The following PPP1R21 variants were observed in gnomAD, a reference collection of about 807,000 sequenced individuals.
PPP1R21 encodes the protein protein phosphatase 1 regulatory subunit 21.
PPP1R21 carries 85 observed loss-of-function variants against 112.8 expected under a neutral mutation model. The ratio of observed to expected loss-of-function variants is 0.75; its 90% CI spans 0.63 to 0.90. The LOEUF (loss-of-function observed/expected upper bound fraction) is 0.90, where lower values mean the gene tolerates loss of function less well. Among genes scored for constraint, PPP1R21 ranks in the 40% least tolerant of loss-of-function variants. The probability of loss-of-function intolerance (pLI) is 0.00; values close to 1 mark genes in which losing one functional copy is unlikely to be tolerated. For missense variants in PPP1R21, 1,199 were observed against 901.5 expected (o/e 1.33, Z -4.23); for synonymous variants, 381 against 322.3 (o/e 1.18, Z -1.95).
At chr2:48,456,445 C>T (rs973570174) in intron 3 of PPP1R21, among the ~76,000 whole-genome samples, 3 of 152,120 alleles carry the variant, frequency 2.0e-5, no homozygotes, top group African/African-American at 7.2e-5. Context: ...TAAGCCCAGG[C>T]TTGAATTCTT....
intron 21 of PPP1R21, among the ~76,000 whole-genome samples, chr2:48,513,275 G>A (rs1033559755): frequency 6.6e-6 from 1 of 151,776 alleles, no homozygotes; most frequent in African/African-American, 2.4e-5. Flanking sequence ...TGAGATCTTG[G>A]CTCACTGCAA....
intron 20 of PPP1R21, 125 bp from the exon 21 acceptor site, chr2:48,511,215 A>G (rs1350157987): frequency 3.2e-6 from 3 of 949,662 alleles, no homozygotes; most frequent in Non-Finnish European, 4.8e-6. Flanking sequence ...CTATTTTGAA[A>G]TATACAGTAA....
In PPP1R21 at chr2:48,510,014, G is replaced by C; in HGVS notation, c.2086-1G>C. The C allele has an allele frequency of 6.3e-7, 1 of 1,599,384 alleles. No individual in the cohort carries two copies. The highest frequency in any genetic ancestry group is 8.5e-7 in the Non-Finnish European group (1 of 1,172,336). ...TAATGGAATGTTTTCTGATTTTACA[G>C]TGCCGAGCACTGTCTAAAAGACTGG... On this transcript the variant is annotated splice_acceptor_variant, in intron 19 of 21. Coordinates refer to ENST00000294952, the MANE Select transcript of PPP1R21 (RefSeq NM_001135629.3). LOFTEE classifies it high-confidence loss of function.
chr2:48,507,671 G>C (rs1670445122), intron 19 of PPP1R21, among the ~76,000 whole-genome samples: 1 of 141,264 alleles, frequency 7.1e-6, no homozygotes, highest in African/African-American at 2.6e-5. Context: ...CTGGCCCGGA[G>C]TTCATATTGA....
intron 3 of PPP1R21, among the ~76,000 whole-genome samples, chr2:48,456,238 A>G (rs1387887906): frequency 1.3e-5 from 2 of 150,446 alleles, no homozygotes; most frequent in Admixed American, 6.7e-5. Flanking sequence ...CATTGTGATT[A>G]AGAGATTGCT....
At chr2:48,504,780 A>G (rs1361604854) in intron 17 of PPP1R21, among the ~76,000 whole-genome samples, 1 of 152,246 alleles carries the variant, frequency 6.6e-6, no homozygotes, top group East Asian at 1.9e-4. Context: ...ACCAGAATTC[A>G]GAAATCATGA....
At chr2:48,457,999 C>T (rs1400621752) in intron 3 of PPP1R21, 127 bp from the exon 4 acceptor site, 9 of 689,876 alleles carry the variant, frequency 1.3e-5, no homozygotes, top group Non-Finnish European at 2.2e-5. Context: ...ATAGCTTTTG[C>T]AGGATTGTTT....
chr2:48,480,044 A>G (rs781105047), intron 13 of PPP1R21, 28 bp downstream of exon 13: 27 of 1,466,682 alleles, frequency 1.8e-5, no homozygotes, highest in East Asian at 6.8e-5. Context: ...ACGTAAGCTT[A>G]AAACCTTTGC....
At chr2:48,469,488 C>CATAT (rs70943340) in intron 9 of PPP1R21, among the ~76,000 whole-genome samples, 19,111 of 44,018 alleles carry the variant, frequency 0.43, 5,027 homozygotes, top group South Asian at 0.52. Context: ...ATATATAGAG[C>CATAT]ATATATATAT....
intron 9 of PPP1R21, among the ~76,000 whole-genome samples, chr2:48,470,519 CA>C (rs34486239): frequency 0.011 from 834 of 79,320 alleles, 3 homozygotes; most frequent in Admixed American, 0.015. Context: ...AACTCTGTCT[CA>C]AAAAAAAAAA....
intron 9 of PPP1R21, among the ~76,000 whole-genome samples, chr2:48,468,931 A>T (rs531132424): frequency 1.3e-5 from 2 of 152,008 alleles, no homozygotes; most frequent in South Asian, 2.1e-4. Context: ...TGAAAGACGT[A>T]TCTGAGACTG....
At chr2:48,456,252 C>CTTTT (rs778594245) in intron 3 of PPP1R21, among the ~76,000 whole-genome samples, 11 of 130,378 alleles carry the variant, frequency 8.4e-5, no homozygotes, top group African/African-American at 3.1e-4. Flanking sequence ...GATTGCTGCT[C>CTTTT]TTTTTTTTTT....
rs1572840844 is a variant in PPP1R21 at position 48,459,625 on chromosome 2, T to C, written c.376-129T>C. The C allele has an allele frequency of 2.7e-5, 25 of 924,674 alleles. No individual in the cohort carries two copies. The East Asian group carries it at 6.7e-4, about 25-fold the overall frequency. The allele number at this position is 924,674 out of a possible 1,614,324, so 57.3% of individuals were successfully genotyped here. On this transcript the variant is annotated intron_variant, in intron 4 of 21. Coordinates refer to ENST00000294952, the MANE Select transcript of PPP1R21 (RefSeq NM_001135629.3). ...TGTGAGGATTTAATGAGATAATGCC[T>C]GTGTGGGTTTAACATAGTCAGCATA...
chr2:48,455,655 C>G (rs541257095), intron 3 of PPP1R21, among the ~76,000 whole-genome samples: 13 of 152,072 alleles, frequency 8.5e-5, no homozygotes, highest in Non-Finnish European at 1.5e-4. Context: ...TTTGGTTATA[C>G]CAGGTTGCCA....
In PPP1R21 at chr2:48,514,742, T is replaced by G. The variant is rs751298132; in HGVS notation, c.2341T>G (p.Ter781GluextTer2). The stretch of plus-strand genomic sequence containing the variant: ...GAATTCTAAAAAGAACAAGAGTCGA[T>G]AGTTTTGAAATAGCTGGTTGGCGAC... ...KGNSKKNKSR[*>E] Residue 781 changes from the stop codon to glutamate (E), a stop_lost, in exon 22 of 22, where the codon TAG (stop) becomes GAG (glutamate). Transcript: ENST00000294952. 1.4e-5 allele frequency: 23 copies of G among 1,611,968 alleles called. No individual in the cohort carries two copies. The highest frequency in any genetic ancestry group is 1.9e-5 in the Non-Finnish European group (22 of 1,178,996).
chr2:48,461,074 A>G (rs1667955163), intron 6 of PPP1R21, 64 bp from the exon 7 acceptor site: 2 of 1,529,674 alleles, frequency 1.3e-6, no homozygotes, highest in Non-Finnish European at 8.7e-7. Flanking sequence ...TGAGGTAACA[A>G]ATAAATGAGG....
chr2:48,499,553 G>C (rs4564825), intron 17 of PPP1R21, among the ~76,000 whole-genome samples: 146,768 of 152,248 alleles, frequency 0.96, 71,010 homozygotes, highest in Middle Eastern at 1. Context: ...GAGACCCTGT[G>C]TCTACCAAAA....
intron 20 of PPP1R21, 87 bp from the exon 21 acceptor site, chr2:48,511,253 T>C (rs1670624775): frequency 7.6e-7 from 1 of 1,323,756 alleles, no homozygotes; most frequent in Non-Finnish European, 1.0e-6. Context: ...ATTTCCCTAC[T>C]CCACATTTTT....
In PPP1R21 at chr2:48,511,363, G is replaced by A. The variant is rs771022996; in HGVS notation, c.2208G>A (p.Arg736=). The A allele has an allele frequency of 4.0e-5, 65 of 1,613,782 alleles. No individual in the cohort carries two copies. Among genetic ancestry groups the A allele is most frequent in the Admixed American group, 1.8e-4 (11 of 59,910 alleles). ...AGGATGAGCTGACAACTACCAAGAG[G>A]AGTTACGAGGATCAGTTAAGTATGA... ...RLQDELTTTK[R]SYEDQLSMMS... The change falls in exon 21 of 22, where the codon AGG becomes AGA. Residue 736 remains arginine, a synonymous_variant. Transcript: ENST00000294952.
Sources: gnomAD v4.1 joint callset for allele counts (sites outside exome capture counted in the v4.1 genomes callset) on GRCh38, gnomAD v4.1.1 for gene constraint, MANE v1.5 for transcripts, NCBI Gene and HGNC (gene_info 2026-07-23, HGNC 2026-07-21) for gene names.